ZNF134: variants seen among roughly 807,000 people sequenced by gnomAD.
ZNF134 encodes the protein zinc finger protein 134 (clone pHZ-15).
ZNF134 carries 5 observed loss-of-function variants against 2.5 expected under a neutral mutation model. The observed-to-expected ratio is 2.03, with a 90% CI of 1.06 to 4.27. The LOEUF is 4.27. ZNF134 is among the 30% of genes most tolerant of loss of function. The pLI, the probability that ZNF134 is intolerant of heterozygous loss-of-function variation, is 0.00. For synonymous variants in ZNF134, 176 were observed against 176.2 expected (o/e 1.00, Z 0.01); for missense variants, 540 against 517.5 (o/e 1.04, Z -0.42).
In ZNF134 at chr19:57,621,536, G is replaced by C. The variant is rs761373322; in HGVS notation, c.*133G>C. The C allele has an allele frequency of 6.2e-6, 9 of 1,444,816 alleles. No individual in the cohort carries two copies. In the Admixed American group the frequency reaches 1.5e-4, roughly 24 times the overall value. 89.5% of individuals were successfully genotyped at this position (1,444,816 alleles called of 1,614,324 possible). On this transcript the variant is annotated 3_prime_UTR_variant, in exon 3 of 3. Transcript: ENST00000396161. Reference sequence around the variant, plus strand: ...AGGGATATGTTGCACTTTCTGACTTGCTCAGGTTTTTTGCCAGAGTTATGT... The same window carrying C: ...AGGGATATGTTGCACTTTCTGACTTCCTCAGGTTTTTTGCCAGAGTTATGT...
In ZNF134 at chr19:57,624,535, G is replaced by A. The variant is rs1402506089; in HGVS notation, c.*3132G>A. ...CCAGGCAAACCCAAATAAGGGAGGA[G>A]GGGTGGTAATCAGGGGTCCCTGAAA... On this transcript the variant is annotated 3_prime_UTR_variant, in exon 3 of 3. Transcript: ENST00000396161. 6.6e-6 allele frequency: 1 copy of A among 152,232 alleles called. No homozygotes were observed. The highest frequency in any genetic ancestry group is 1.5e-5 in the Non-Finnish European group (1 of 68,060). The allele number at this position is 152,232 out of a possible 1,614,324, so 9.4% of individuals were successfully genotyped here. A position where few individuals can be genotyped will look rare whatever the true frequency, so the allele number is the denominator to read the frequency against.
chr19:57,619,685 C>T, intron 2 of ZNF134, 177 bp downstream of exon 2: 1 of 694,180 alleles, frequency 1.4e-6, no homozygotes, highest in Non-Finnish European at 2.4e-6. Flanking sequence ...GGGCTGTCTT[C>T]TCCCATTCTC....
Position 57,621,458 on chromosome 19 carries a change from G to T in ZNF134, c.*55G>T. On this transcript the variant is annotated 3_prime_UTR_variant, in exon 3 of 3. Transcript: ENST00000396161. ...ATCAGATGTTGAATTTCATGTATCT[G>T]AACATTGACACAAAGGAGATACCTT... The T allele has an allele frequency of 6.2e-7, 1 of 1,603,490 alleles. No individual in the cohort carries two copies. Among genetic ancestry groups the T allele is most frequent in the South Asian group, 1.1e-5 (1 of 91,032 alleles).
intron 2 of ZNF134, 195 bp downstream of exon 2, chr19:57,619,703 G>C: frequency 1.6e-6 from 1 of 630,142 alleles, no homozygotes; most frequent in Non-Finnish European, 2.7e-6. Context: ...CTCTACCAGA[G>C]GGGCTCTAGT....
chr19:57,619,532 A>C, intron 2 of ZNF134, 24 bp downstream of exon 2: 1 of 1,587,156 alleles, frequency 6.3e-7, no homozygotes, highest in Non-Finnish European at 8.6e-7. Flanking sequence ...GAGGGACGCC[A>C]TAACCTCAGG....
chr19:57,621,029 G>T lies in ZNF134; in HGVS notation c.910G>T (p.Val304Phe). 1 of 1,614,042 alleles carries T rather than the reference G, an allele frequency of 6.2e-7. No individual in the cohort carries two copies. The highest frequency in any genetic ancestry group is 8.5e-7 in the Non-Finnish European group (1 of 1,179,990). ...AGTCTTCAGACACAAATCTACACTT[G>T]TTCAGCATGAGAGTATTCACACTGG... is the stretch of plus-strand genomic sequence containing the variant. ...GKVFRHKSTLVQHESIHTGEN... is the reference protein window; with the variant it reads ...GKVFRHKSTLFQHESIHTGEN... Residue 304 changes from valine to phenylalanine, a missense_variant, in exon 3 of 3, where the codon GTT (valine) becomes TTT (phenylalanine). By Grantham distance (50) the Val-to-Phe change is conservative. Transcript: ENST00000396161.
chr19:57,620,291 A>G lies in ZNF134; in HGVS notation c.172A>G (p.Ile58Val), dbSNP rs377267565. 3 of 1,614,108 alleles carry G rather than the reference A, an allele frequency of 1.9e-6. No homozygotes were observed. The highest frequency in any genetic ancestry group is 2.2e-5 in the East Asian group (1 of 44,902). Residue 58 changes from isoleucine (I) to valine (V), a missense_variant, in exon 3 of 3, where the codon ATC becomes GTC. Coordinates refer to ENST00000396161, the MANE Select transcript of ZNF134 (RefSeq NM_003435.5). The part of the protein sequence containing the change: ...TALPCDICGP[I>V]LKDILHLDEH... ...TCTCCCTTGTGACATATGTGGCCCC[A>G]TCTTGAAAGATATTTTGCACCTGGA...
intron 1 of ZNF134, among the ~76,000 whole-genome samples, chr19:57,617,866 G>C (rs924563568): frequency 6.6e-6 from 1 of 152,178 alleles, no homozygotes; most frequent in Admixed American, 6.5e-5. Flanking sequence ...GTGGCAAAGC[G>C]TTCCAGGCAG....
intron 1 of ZNF134, among the ~76,000 whole-genome samples, chr19:57,617,883 G>C (rs139600043): frequency 2.0e-3 from 308 of 152,294 alleles, no homozygotes; most frequent in Middle Eastern, 0.017. Flanking sequence ...GCAGAGAGTG[G>C]ATGTGAGGTG....
In ZNF134 at chr19:57,619,450, T is replaced by C; in HGVS notation, c.-19T>C. 6.2e-7 allele frequency: 1 copy of C among 1,600,112 alleles called. No individual in the cohort carries two copies. Among genetic ancestry groups the C allele is most frequent in the Non-Finnish European group, 8.5e-7 (1 of 1,173,296 alleles). ...GTTGAATTGTAACAAGAGAGAGAAC[T>C]CTGGCTGCCTGAGAGGGCATGACTC... On this transcript the variant is annotated 5_prime_UTR_variant, in exon 2 of 3. Coordinates refer to ENST00000396161, the MANE Select transcript of ZNF134 (RefSeq NM_003435.5).
chr19:57,620,461 A>G lies in ZNF134; in HGVS notation c.342A>G (p.Ser114=), dbSNP rs1981171179. 1.2e-6 allele frequency: 2 copies of G among 1,614,116 alleles called. No homozygotes were observed. Among genetic ancestry groups the G allele is most frequent in the Non-Finnish European group, 1.7e-6 (2 of 1,180,050 alleles). ...TAAGAAGGGATAAAAGTGAGGCCTC[A>G]ATTGTGAAGAACTGCACAGTTAGCA... ...QPLRRDKSEA[S]IVKNCTVSKE... is the part of the protein sequence containing the mutation. The change falls in exon 3 of 3, where the codon TCA becomes TCG. Residue 114 remains serine (S), a synonymous_variant. Coordinates refer to ENST00000396161, the MANE Select transcript of ZNF134 (RefSeq NM_003435.5).
At position 57,621,017 on chromosome 19, in the gene ZNF134, A is replaced by C; in HGVS notation, c.898A>C (p.Lys300Gln). The change falls in exon 3 of 3, where the codon AAA becomes CAA. Residue 300 changes from lysine to glutamine, a missense_variant. By Grantham distance (53) the Lys-to-Gln change is moderately conservative (BLOSUM62 1). Coordinates refer to ENST00000396161, the MANE Select transcript of ZNF134 (RefSeq NM_003435.5). ...CSDCGKVFRH[K>Q]STLVQHESIH... ...TGATTGTGGGAAAGTCTTCAGACACAAATCTACACTTGTTCAGCATGAGAG... is the reference window on the plus strand; with the variant it reads ...TGATTGTGGGAAAGTCTTCAGACACCAATCTACACTTGTTCAGCATGAGAG... 1.2e-6 allele frequency: 2 copies of C among 1,614,210 alleles called. No individual in the cohort carries two copies. The highest frequency in any genetic ancestry group is 1.7e-6 in the Non-Finnish European group (2 of 1,180,038).
At position 57,621,607 on chromosome 19, in the gene ZNF134, AG is replaced by A. The variant is rs1207299971; in HGVS notation, c.*205del. 2 of 823,662 alleles carry A rather than the reference AG, an allele frequency of 2.4e-6. No homozygotes were observed. The highest frequency in any genetic ancestry group is 4.2e-6 in the Non-Finnish European group (2 of 475,662). 51.0% of individuals were successfully genotyped at this position (823,662 alleles called of 1,614,324 possible). On this transcript the variant is annotated 3_prime_UTR_variant, in exon 3 of 3. Coordinates refer to ENST00000396161, the MANE Select transcript of ZNF134 (RefSeq NM_003435.5). ...GAAACCATCTTAACTCTACCAGCTA[AG>A]ATACCCCAGCATTGGGGAAGGCAGG...
intron 1 of ZNF134, among the ~76,000 whole-genome samples, chr19:57,616,820 CTT>C (rs1292130329): frequency 6.6e-6 from 1 of 152,172 alleles, no homozygotes; most frequent in Non-Finnish European, 1.5e-5. Flanking sequence ...CAGGCCCTCA[CTT>C]AGCCCAACAC....
At chr19:57,614,587 C>T (rs894861029) in intron 1 of ZNF134, 84 bp downstream of exon 1, 2 of 339,318 alleles carry the variant, frequency 5.9e-6, no homozygotes, top group African/African-American at 4.5e-5. Context: ...CCCTGCAGCG[C>T]AGGCCCCAGT....
rs1981172007 is a variant in ZNF134 at position 57,620,472 on chromosome 19, A to G, written c.353A>G (p.Asn118Ser). ...AAAAGTGAGGCCTCAATTGTGAAGAACTGCACAGTTAGCAAAGAACCTCAT... is the reference window on the plus strand; with the variant it reads ...AAAAGTGAGGCCTCAATTGTGAAGAGCTGCACAGTTAGCAAAGAACCTCAT... ...RDKSEASIVKNCTVSKEPHPS... is the reference protein window; with the variant it reads ...RDKSEASIVKSCTVSKEPHPS... The change falls in exon 3 of 3, where the codon AAC becomes AGC. Residue 118 changes from asparagine to serine, a missense_variant. Coordinates refer to ENST00000396161, the MANE Select transcript of ZNF134 (RefSeq NM_003435.5). The G allele has an allele frequency of 1.2e-6, 2 of 1,614,114 alleles. No individual in the cohort carries two copies. Among genetic ancestry groups the G allele is most frequent in the Non-Finnish European group, 1.7e-6 (2 of 1,180,044 alleles).
chr19:57,622,374 G>A lies in ZNF134; in HGVS notation c.*971G>A, dbSNP rs1253337548. The A allele has an allele frequency of 6.6e-6, 1 of 152,164 alleles. No homozygotes were observed. Among genetic ancestry groups the A allele is most frequent in the Non-Finnish European group, 1.5e-5 (1 of 68,044 alleles). The allele number at this position is 152,164 out of a possible 1,614,324, so 9.4% of individuals were successfully genotyped here. On this transcript the variant is annotated 3_prime_UTR_variant, in exon 3 of 3. Transcript: ENST00000396161. ...TGGTAAGATCTAAAGCATCCAGTAGGGAAACAAAATTGATAAATATTGAGT... is the reference window on the plus strand; with the variant it reads ...TGGTAAGATCTAAAGCATCCAGTAGAGAAACAAAATTGATAAATATTGAGT...
chr19:57,620,027 C>G, intron 2 of ZNF134, 133 bp from the exon 3 acceptor site: 1 of 1,051,442 alleles, frequency 9.5e-7, no homozygotes. Flanking sequence ...GCCCTTTTTT[C>G]AACCTGATCC....
Position 57,620,989 on chromosome 19 carries a change from C to T in ZNF134, c.870C>T (p.Cys290=). 1.2e-6 allele frequency: 2 copies of T among 1,614,208 alleles called. No individual in the cohort carries two copies. Among genetic ancestry groups the T allele is most frequent in the Non-Finnish European group, 1.7e-6 (2 of 1,180,044 alleles). The change falls in exon 3 of 3, where the codon TGC becomes TGT. Residue 290 remains cysteine (C), a synonymous_variant. Coordinates refer to ENST00000396161, the MANE Select transcript of ZNF134 (RefSeq NM_003435.5). ...RVHNGARPYK[C]SDCGKVFRHK... is the part of the protein sequence containing the mutation. ...ACAATGGAGCAAGGCCTTATAAGTG[C>T]AGTGATTGTGGGAAAGTCTTCAGAC...
Sources: allele counts gnomAD v4.1 joint callset (sites outside exome capture counted in the v4.1 genomes callset), GRCh38; gene constraint gnomAD v4.1.1; transcripts MANE v1.5; gene names NCBI Gene and HGNC (gene_info 2026-07-23, HGNC 2026-07-21).